Variants in BFSP1 observed in about 807,000 individuals in gnomAD.
BFSP1 encodes beaded filament structural protein 1.
BFSP1 carries 38 observed loss-of-function variants against 43.9 expected under a neutral mutation model. The ratio of observed to expected loss-of-function variants is 0.87; its 90% CI spans 0.67 to 1.14. The LOEUF is 1.14. BFSP1 is among the 50% of genes most tolerant of loss of function. The pLI is 0.00. For synonymous variants in BFSP1, 352 were observed against 354.8 expected (o/e 0.99, Z 0.09); for missense variants, 850 against 875.1 (o/e 0.97, Z 0.36).
chr20:17,508,760 G>C (rs184834042), intron 5 of BFSP1, 129 bp downstream of exon 5: 1 of 939,734 alleles, frequency 1.1e-6, no homozygotes, highest in East Asian at 3.1e-5. Context: ...AGAAAACCCC[G>C]TTTCTGCCAG....
chr20:17,543,234 AGT>A (rs1323882971), intron 1 of BFSP1, among the ~76,000 whole-genome samples: 1 of 152,188 alleles, frequency 6.6e-6, no homozygotes, highest in Non-Finnish European at 1.5e-5. Context: ...GTAAGCAGAG[AGT>A]GTCTTTTGCC....
At chr20:17,512,193 A>C (rs570803668) in intron 3 of BFSP1, 125 bp from the exon 4 acceptor site, 2 of 710,878 alleles carry the variant, frequency 2.8e-6, no homozygotes, top group East Asian at 5.5e-5. Context: ...ACAGACCATG[A>C]CCAGGTTCAG....
At chr20:17,558,784 A>G (rs2035037042) in exon 1 of BFSP1, 1 of 1,529,336 alleles carries the variant, frequency 6.5e-7, no homozygotes, top group African/African-American at 1.4e-5. Context: ...TACCCTGCCT[A>G]CCCAGGACTC....
At chr20:17,495,908 AG>A (rs2030832313) in intron 7 of BFSP1, among the ~76,000 whole-genome samples, 2 of 151,758 alleles carry the variant, frequency 1.3e-5, no homozygotes, top group African/African-American at 4.9e-5. Flanking sequence ...ATAAAAAGAG[AG>A]CCAGGTGAGC....
chr20:17,542,747 T>C (rs775811421), intron 1 of BFSP1, among the ~76,000 whole-genome samples: 3 of 152,216 alleles, frequency 2.0e-5, no homozygotes, highest in Non-Finnish European at 4.4e-5. Flanking sequence ...TTGTTTAACA[T>C]GGAACCCTAA....
chr20:17,497,883 CCT>C (rs1366888905), intron 6 of BFSP1, among the ~76,000 whole-genome samples: 1 of 151,972 alleles, frequency 6.6e-6, no homozygotes, highest in Non-Finnish European at 1.5e-5. Flanking sequence ...TCTGTGAAGC[CCT>C]GTCCCAAAAC....
upstream of BFSP1, among the ~76,000 whole-genome samples, chr20:17,532,951 C>T (rs577713352): frequency 1.2e-4 from 18 of 152,164 alleles, no homozygotes; most frequent in African/African-American, 4.3e-4. Flanking sequence ...TTTATTATTA[C>T]ACCAAAATAT....
At chr20:17,514,141 G>A (rs576638131) in intron 3 of BFSP1, among the ~76,000 whole-genome samples, 5 of 152,338 alleles carry the variant, frequency 3.3e-5, no homozygotes, top group South Asian at 2.1e-4. Flanking sequence ...CTTCACCCAC[G>A]TCACTGCTGG....
chr20:17,549,741 C>T (rs1379615741), intron 1 of BFSP1, among the ~76,000 whole-genome samples: 1 of 152,168 alleles, frequency 6.6e-6, no homozygotes, highest in Non-Finnish European at 1.5e-5. Context: ...GAGGCTGAGG[C>T]ACAAGAATCA....
At chr20:17,511,762 A>G (rs572892298) in intron 4 of BFSP1, among the ~76,000 whole-genome samples, 2 of 152,380 alleles carry the variant, frequency 1.3e-5, no homozygotes, top group South Asian at 4.1e-4. Flanking sequence ...AAAATGGTCA[A>G]GGATGCGGTT....
rs1156875265 is a variant in BFSP1 at position 17,539,105 on chromosome 20, C to CTTTTTTTTT, written c.3-14206_3-14198dup. On this transcript the variant is annotated intron_variant, in intron 1 of 7. Coordinates refer to the BFSP1 transcript ENST00000377868. ...TGCATCCATGAATATATTTCTTCTT[C>CTTTTTTTTT]TTTTTTTTTTTTTTTTTTTTTTTTT... Among the ~76,000 whole-genome samples, 12 of 63,560 alleles carry CTTTTTTTTT rather than the reference C, an allele frequency of 1.9e-4. 1 individual carries two copies. The highest frequency in any genetic ancestry group is 6.1e-4 in the African/African-American group (9 of 14,638). 41.7% of individuals were successfully genotyped at this position (63,560 alleles called of 152,430 possible). A position where few individuals can be genotyped will look rare whatever the true frequency, so the allele number is the denominator to read the frequency against.
At position 17,494,954 on chromosome 20, in the gene BFSP1, C is replaced by T. The variant is rs1441542071; in HGVS notation, c.1118G>A (p.Arg373Lys). 1 of 1,614,158 alleles carries T rather than the reference C, an allele frequency of 6.2e-7. No homozygotes were observed. Among genetic ancestry groups the T allele is most frequent in the South Asian group, 1.1e-5 (1 of 91,078 alleles). Reference sequence around the variant, plus strand: ...TTTGTCTTTTGTTATAATCTCTTTTCTCCTTGGAACATTCTTGGGGAGGGC... The same window carrying T: ...TTTGTCTTTTGTTATAATCTCTTTTTTCCTTGGAACATTCTTGGGGAGGGC... Reference protein sequence around the residue: ...QKALPKNVPRRKEIITKDKTN... With the variant: ...QKALPKNVPRKKEIITKDKTN... The change falls in exon 8 of 8, where the codon AGA becomes AAA. Residue 373 changes from arginine (R) to lysine (K), a missense_variant. By Grantham distance (26) the Arg-to-Lys change is conservative. Transcript: ENST00000377873.
At chr20:17,548,547 C>T (rs1568715008) in intron 1 of BFSP1, among the ~76,000 whole-genome samples, 1 of 152,112 alleles carries the variant, frequency 6.6e-6, no homozygotes, top group African/African-American at 2.4e-5. Flanking sequence ...CCCAAGATAA[C>T]TTGGGGTTCT....
chr20:17,548,613 G>A (rs538313692), intron 1 of BFSP1, among the ~76,000 whole-genome samples: 11 of 152,282 alleles, frequency 7.2e-5, no homozygotes, highest in East Asian at 5.8e-4. Context: ...TGCATAGACC[G>A]AGTATGATGC....
intron 1 of BFSP1, among the ~76,000 whole-genome samples, chr20:17,566,239 A>G (rs1413382739): frequency 6.6e-6 from 1 of 151,554 alleles, no homozygotes; most frequent in Non-Finnish European, 1.5e-5. Flanking sequence ...TGACAGTGTT[A>G]TGTCTCCCAG....
intron 1 of BFSP1, among the ~76,000 whole-genome samples, chr20:17,526,654 C>G (rs1458979660): frequency 6.6e-6 from 1 of 152,086 alleles, no homozygotes; most frequent in African/African-American, 2.4e-5. Context: ...TATTCAAAAC[C>G]CTCTTTCAAT....
chr20:17,556,831 T>A (rs1401463333), intron 1 of BFSP1, among the ~76,000 whole-genome samples: 2 of 151,738 alleles, frequency 1.3e-5, no homozygotes, highest in Non-Finnish European at 3.0e-5. Flanking sequence ...ATTTATTTTC[T>A]TTCTTAGACA....
chr20:17,554,497 T>A (rs1254820777), intron 1 of BFSP1, among the ~76,000 whole-genome samples: 1 of 152,230 alleles, frequency 6.6e-6, no homozygotes, highest in Non-Finnish European at 1.5e-5. Flanking sequence ...TCCATTAATA[T>A]AATTTACTAC....
chr20:17,555,288 CA>C (rs929219257), intron 1 of BFSP1, among the ~76,000 whole-genome samples: 1,642 of 44,172 alleles, frequency 0.037, 6 homozygotes, highest in Admixed American at 0.059. Context: ...TCCTATCTCA[CA>C]AAAAAAAAAA....
Sources: gnomAD v4.1 joint callset for allele counts (sites outside exome capture counted in the v4.1 genomes callset) on GRCh38, gnomAD v4.1.1 for gene constraint, MANE v1.5 for transcripts, NCBI Gene and HGNC (gene_info 2026-07-23, HGNC 2026-07-21) for gene names.